RBFOX1: variants seen among roughly 807,000 people sequenced by gnomAD.
RBFOX1 encodes the protein RNA binding protein fox-1 homolog 1.
Under a neutral mutation model 57.7 loss-of-function variants are expected in RBFOX1, and 8 were observed. The ratio of observed to expected loss-of-function variants is 0.14; its 90% CI spans 0.08 to 0.25. The LOEUF (loss-of-function observed/expected upper bound fraction) is 0.25, where lower values mean the gene tolerates loss of function less well. RBFOX1 is among the 10% of genes least tolerant of loss of function. The probability of loss-of-function intolerance (pLI) is 1.00; values close to 1 mark genes in which losing one functional copy is unlikely to be tolerated. For synonymous variants in RBFOX1, 326 were observed against 222.4 expected, an observed-to-expected ratio of 1.47 and a Z score of -4.15; for missense variants, 611 against 548.5, an observed-to-expected ratio of 1.11 and a Z score of -1.14.
chr16:5,621,978 C>T (rs944488490), intron 3 of RBFOX1, among the ~76,000 whole-genome samples: 1 of 152,174 alleles, frequency 6.6e-6, no homozygotes, highest in African/African-American at 2.4e-5. Context: ...GTTCTTGTAA[C>T]AACACAGACC....
At chr16:6,329,438 G>A (rs1473461785) in intron 2 of RBFOX1, among the ~76,000 whole-genome samples, 1 of 152,190 alleles carries the variant, frequency 6.6e-6, no homozygotes, top group African/African-American at 2.4e-5. Flanking sequence ...CATCTCAACT[G>A]TGGAGTCTAC....
At chr16:5,786,376 C>G (rs1597247984) in intron 3 of RBFOX1, among the ~76,000 whole-genome samples, 1 of 152,146 alleles carries the variant, frequency 6.6e-6, no homozygotes. Context: ...CTCTGCTGCT[C>G]ATGTAGCACT....
chr16:6,711,353 G>A (rs923867887), intron 3 of RBFOX1, among the ~76,000 whole-genome samples: 4 of 152,068 alleles, frequency 2.6e-5, no homozygotes, highest in Non-Finnish European at 4.4e-5. Flanking sequence ...CCACATTCTG[G>A]TCCCTACCAA....
At chr16:7,609,339 A>T (rs190026308) in intron 10 of RBFOX1, among the ~76,000 whole-genome samples, 9 of 152,162 alleles carry the variant, frequency 5.9e-5, no homozygotes, top group Non-Finnish European at 8.8e-5. Flanking sequence ...CCTTGGGTCT[A>T]TTAAGCAGGA....
intron 2 of RBFOX1, among the ~76,000 whole-genome samples, chr16:6,513,217 G>A (rs1293111959): frequency 1.3e-5 from 2 of 152,154 alleles, no homozygotes; most frequent in African/African-American, 4.8e-5. Flanking sequence ...TTGGGGCTTA[G>A]GTAAGAGTAA....
intron 1 of RBFOX1, among the ~76,000 whole-genome samples, chr16:5,356,822 T>C (rs531841655): frequency 3.9e-5 from 6 of 152,206 alleles, no homozygotes; most frequent in Non-Finnish European, 7.3e-5. Flanking sequence ...GTTGTTGTCA[T>C]TGTCCTTATG....
At chr16:7,229,148 A>G (rs572797262) in intron 4 of RBFOX1, among the ~76,000 whole-genome samples, 2 of 152,376 alleles carry the variant, frequency 1.3e-5, no homozygotes, top group East Asian at 3.9e-4. Flanking sequence ...TAATTTAAAC[A>G]TAAAAAGGAA....
intron 3 of RBFOX1, among the ~76,000 whole-genome samples, chr16:6,727,850 A>G (rs936121071): frequency 5.9e-5 from 9 of 152,138 alleles, no homozygotes; most frequent in African/African-American, 2.2e-4. Context: ...CTCCTCGGGC[A>G]TGTTAGTGGC....
chr16:7,360,624 A>G (rs1372526662), intron 4 of RBFOX1, among the ~76,000 whole-genome samples: 1 of 152,206 alleles, frequency 6.6e-6, no homozygotes, highest in Non-Finnish European at 1.5e-5. Flanking sequence ...AGGCAAAGGA[A>G]TTATCCCTCC....
chr16:5,648,850 G>C (rs941888221), intron 3 of RBFOX1, among the ~76,000 whole-genome samples: 2 of 152,080 alleles, frequency 1.3e-5, no homozygotes, highest in African/African-American at 4.8e-5. Context: ...GATCACTTGA[G>C]GTCAGGAGTT....
At chr16:6,664,603 C>G (rs1395734423) in intron 3 of RBFOX1, among the ~76,000 whole-genome samples, 1 of 152,126 alleles carries the variant, frequency 6.6e-6, no homozygotes, top group African/African-American at 2.4e-5. Flanking sequence ...TAGCCCACCA[C>G]CAGTGAGATT....
chr16:7,426,757 G>C (rs574362268), intron 4 of RBFOX1, among the ~76,000 whole-genome samples: 1 of 152,062 alleles, frequency 6.6e-6, no homozygotes, highest in Admixed American at 6.5e-5. Flanking sequence ...AGAAGCTAGA[G>C]TGAAGTGGTC....
intron 3 of RBFOX1, among the ~76,000 whole-genome samples, chr16:6,856,816 C>T (rs189526771): frequency 7.2e-5 from 11 of 152,092 alleles, no homozygotes; most frequent in South Asian, 6.2e-4. Context: ...TTAAGCATTG[C>T]GATTGTCAAA....
At chr16:5,916,570 G>A (rs562086080) in intron 4 of RBFOX1, among the ~76,000 whole-genome samples, 1 of 152,188 alleles carries the variant, frequency 6.6e-6, no homozygotes, top group East Asian at 1.9e-4. Flanking sequence ...ATAATTAGGA[G>A]GTGCTGGGTC....
chr16:7,044,662 C>T (rs1010962533), intron 3 of RBFOX1, among the ~76,000 whole-genome samples: 1 of 151,882 alleles, frequency 6.6e-6, no homozygotes, highest in African/African-American at 2.4e-5. Context: ...TTCATTTAGG[C>T]CATAAAATAT....
At chr16:5,464,809 A>G (rs1445303974) in intron 1 of RBFOX1, among the ~76,000 whole-genome samples, 1 of 152,076 alleles carries the variant, frequency 6.6e-6, no homozygotes, top group African/African-American at 2.4e-5. Context: ...GGGCTTGGAG[A>G]TTGTGAAGGG....
At chr16:5,252,718 C>G (rs1056732661) in intron 1 of RBFOX1, among the ~76,000 whole-genome samples, 4 of 152,252 alleles carry the variant, frequency 2.6e-5, no homozygotes, top group African/African-American at 9.6e-5. Flanking sequence ...CCGCCCCCAT[C>G]TGGAGCTCGG....
intron 2 of RBFOX1, among the ~76,000 whole-genome samples, chr16:6,464,478 G>A (rs991678541): frequency 2.6e-5 from 4 of 152,276 alleles, no homozygotes; most frequent in Middle Eastern, 3.4e-3. Context: ...TTGTAATAAC[G>A]AAGTCCTACC....
intron 1 of RBFOX1, among the ~76,000 whole-genome samples, chr16:6,121,997 C>T (rs867900914): frequency 8.5e-5 from 13 of 152,142 alleles, no homozygotes; most frequent in African/African-American, 2.2e-4. Context: ...CCCCTGCCTC[C>T]GGGGTTCAAG....
Sources: gnomAD v4.1 joint callset for allele counts (sites outside exome capture counted in the v4.1 genomes callset) on GRCh38, gnomAD v4.1.1 for gene constraint, MANE v1.5 for transcripts, NCBI Gene and HGNC (gene_info 2026-07-23, HGNC 2026-07-21) for gene names.